RNF130: variants seen among roughly 807,000 people sequenced by gnomAD.
RNF130 encodes E3 ubiquitin-protein ligase RNF130.
Under a neutral mutation model 44.6 loss-of-function variants are expected in RNF130, and 21 were observed. That is an observed-to-expected ratio of 0.47 (90% CI 0.33 to 0.68). The LOEUF is 0.68. RNF130 is among the 30% of genes least tolerant of loss of function. RNF130 has a pLI of 0.02. For missense variants in RNF130, 479 were observed against 560.6 expected, an observed-to-expected ratio of 0.85 and a Z score of 1.47; for synonymous variants, 214 against 210.4, an observed-to-expected ratio of 1.02 and a Z score of -0.15.
chr5:180,055,193 G>A (rs1764778548), intron 1 of RNF130, among the ~76,000 whole-genome samples: 1 of 116,956 alleles, frequency 8.6e-6, no homozygotes, highest in African/African-American at 3.4e-5. Context: ...AATTAGCCAG[G>A]CCCTGAGATC....
Position 180,014,130 on chromosome 5 carries a change from C to T in RNF130, c.443-819G>A, listed in dbSNP as rs185128027. 2.6e-4 allele frequency among the ~76,000 whole-genome samples: 40 copies of T among 152,334 alleles called. 1 individual carries two copies. In the East Asian group the frequency reaches 4.6e-3, roughly 18 times the overall value. On this transcript the variant is annotated intron_variant, in intron 2 of 8. Transcript: ENST00000521389. ...TTGTCCAGAGGTCTGCCCACAAGCA[C>T]AGGCTATGCAAGTTAATTACGAGGA... is the stretch of plus-strand genomic sequence containing the variant.
chr5:180,046,119 G>A (rs927750059), intron 1 of RNF130, among the ~76,000 whole-genome samples: 4 of 152,184 alleles, frequency 2.6e-5, no homozygotes, highest in East Asian at 3.9e-4. Context: ...TGTGCGCGGT[G>A]GACCGCGGCG....
chr5:179,917,930 C>T (rs1433482642), exon 8 of RNF130: 1 of 152,272 alleles, frequency 6.6e-6, no homozygotes, highest in East Asian at 1.9e-4. Context: ...CACTTGAGCC[C>T]AGGAGGTGGA....
chr5:180,063,513 G>A (rs1765033415), intron 1 of RNF130, among the ~76,000 whole-genome samples: 1 of 152,204 alleles, frequency 6.6e-6, no homozygotes, highest in African/African-American at 2.4e-5. Flanking sequence ...TCAATTTGGA[G>A]ATGTCTTTGT....
At chr5:180,036,507 AGC>A (rs1208424007) in intron 2 of RNF130, among the ~76,000 whole-genome samples, 1 of 152,230 alleles carries the variant, frequency 6.6e-6, no homozygotes, top group Non-Finnish European at 1.5e-5. Context: ...TTTGGGAAGC[AGC>A]ACCCTGCTAA....
intron 3 of RNF130, among the ~76,000 whole-genome samples, chr5:179,998,856 TTTTTATATATATATATATATATATATATG>T (rs1389821290): frequency 1.2e-5 from 1 of 81,736 alleles, no homozygotes; most frequent in Non-Finnish European, 2.5e-5. Context: ...GATCTAGTAT[TTTTTATATATATATATATATATATATATG>T]TTTTATATAT....
chr5:179,930,899 G>C (rs2113675847), intron 7 of RNF130, among the ~76,000 whole-genome samples: 1 of 152,036 alleles, frequency 6.6e-6, no homozygotes, highest in African/African-American at 2.4e-5. Context: ...AAAAGTAGCT[G>C]GGCGTGGTGA....
At chr5:179,959,576 G>A (rs1762282097) in intron 8 of RNF130, among the ~76,000 whole-genome samples, 1 of 151,400 alleles carries the variant, frequency 6.6e-6, no homozygotes, top group African/African-American at 2.4e-5. Context: ...GTGGTGAGCT[G>A]AGATGGCGCC....
At chr5:180,046,906 G>A (rs1197643114) in intron 1 of RNF130, among the ~76,000 whole-genome samples, 1 of 152,136 alleles carries the variant, frequency 6.6e-6, no homozygotes, top group East Asian at 1.9e-4. Flanking sequence ...CTGCGAATAT[G>A]TCTGGCACAT....
intron 7 of RNF130, 64 bp downstream of exon 7, chr5:179,966,742 G>T: frequency 6.9e-7 from 1 of 1,459,520 alleles, no homozygotes; most frequent in Non-Finnish European, 9.4e-7. Flanking sequence ...TGACTCTCCT[G>T]ATGGTCCCGA....
intron 7 of RNF130, among the ~76,000 whole-genome samples, chr5:179,932,846 A>C (rs927622121): frequency 4.6e-5 from 7 of 152,126 alleles, no homozygotes; most frequent in African/African-American, 1.7e-4. Context: ...AAAAATACAC[A>C]AAAAATTTAC....
chr5:179,958,209 A>G (rs1237234980), intron 8 of RNF130, among the ~76,000 whole-genome samples: 1 of 152,208 alleles, frequency 6.6e-6, no homozygotes, highest in African/African-American at 2.4e-5. Context: ...GTGTTTCTCA[A>G]AACTAAAGCA....
intron 3 of RNF130, among the ~76,000 whole-genome samples, chr5:179,993,173 C>T (rs919946807): frequency 7.9e-5 from 12 of 152,148 alleles, no homozygotes; most frequent in African/African-American, 1.9e-4. Context: ...TGAATAGTGA[C>T]GCAATAAACA....
intron 8 of RNF130, among the ~76,000 whole-genome samples, chr5:179,960,547 A>T (rs142690637): frequency 4.6e-5 from 7 of 152,236 alleles, no homozygotes; most frequent in African/African-American, 1.7e-4. Context: ...TTAGCAACCC[A>T]CCCATGACAG....
At chr5:180,008,855 GCCTGGGTGACAGAGTAAGA>G (rs1763521541) in intron 3 of RNF130, among the ~76,000 whole-genome samples, 1 of 151,804 alleles carries the variant, frequency 6.6e-6, no homozygotes, top group African/African-American at 2.4e-5. Context: ...CTGCACTCCA[GCCTGGGTGACAGAGTAAGA>G]CCCTCTCTCA....
At chr5:179,944,141 G>T (rs1366857205) in intron 7 of RNF130, among the ~76,000 whole-genome samples, 1 of 149,064 alleles carries the variant, frequency 6.7e-6, no homozygotes, top group African/African-American at 2.6e-5. Context: ...CTAGCTTTTT[G>T]TATTTTTAGT....
chr5:180,037,599 A>G lies in RNF130; in HGVS notation c.442+2854T>C, dbSNP rs891057637. Reference sequence around the variant, plus strand: ...AGTGTCACCTAGAAACTTGTTAATAATACAGGCTCTTGGGTCATATTCCAG... The same window carrying G: ...AGTGTCACCTAGAAACTTGTTAATAGTACAGGCTCTTGGGTCATATTCCAG... On this transcript the variant is annotated intron_variant, in intron 2 of 8. Transcript: ENST00000521389. Among the ~76,000 whole-genome samples, 13 of 152,344 alleles carry G rather than the reference A, an allele frequency of 8.5e-5. No homozygotes were observed. In the South Asian group the frequency reaches 2.7e-3, roughly 32 times the overall value.
At chr5:179,988,477 A>G (rs933911225) in intron 3 of RNF130, among the ~76,000 whole-genome samples, 2 of 152,104 alleles carry the variant, frequency 1.3e-5, no homozygotes, top group Admixed American at 1.3e-4. Flanking sequence ...CAGTTCCTTG[A>G]GGTGCATAAC....
intron 2 of RNF130, among the ~76,000 whole-genome samples, chr5:180,036,827 C>T (rs550781500): frequency 1.4e-4 from 16 of 115,114 alleles, no homozygotes; most frequent in African/African-American, 5.4e-4. Context: ...TAATGTCTGT[C>T]TACCCCCACA....
Sources: allele counts gnomAD v4.1 joint callset (sites outside exome capture counted in the v4.1 genomes callset), GRCh38; gene constraint gnomAD v4.1.1; transcripts MANE v1.5; gene names NCBI Gene and HGNC (gene_info 2026-07-23, HGNC 2026-07-21).